Variants in SFXN1 observed in about 807,000 individuals in gnomAD.
SFXN1 encodes sideroflexin 1.
In SFXN1, 32 loss-of-function variants were observed where a neutral mutation model predicts 39.5. That is an observed-to-expected ratio of 0.81 (90% confidence interval 0.61 to 1.09). SFXN1 has a LOEUF of 1.09. Ranked by LOEUF, SFXN1 falls within the 50% of genes least tolerant of loss-of-function variation. SFXN1 has a pLI of 0.00. For missense variants in SFXN1, 402 were observed against 407.1 expected, an observed-to-expected ratio of 0.99 and a Z score of 0.11; for synonymous variants, 136 against 146.5, an observed-to-expected ratio of 0.93 and a Z score of 0.52.
At position 175,508,925 on chromosome 5, in the gene SFXN1, A is replaced by C. The variant is rs144513652; in HGVS notation, c.165-107A>C. On this transcript the variant is annotated intron_variant, in intron 2 of 10. Coordinates refer to ENST00000321442, the MANE Select transcript of SFXN1 (RefSeq NM_022754.7). ...GCTGGGATTACAGACGTAAGCCACC[A>C]CACCCAGCCAGAGCATAAACTTTTA... The C allele has an allele frequency of 1.0e-4, 110 of 1,091,812 alleles. No homozygotes were observed. The African/African-American group carries it at 1.5e-3, about 15-fold the overall frequency. 67.6% of individuals were successfully genotyped at this position (1,091,812 alleles called of 1,614,324 possible).
intron 1 of SFXN1, among the ~76,000 whole-genome samples, chr5:175,481,404 C>G (rs931012665): frequency 1.3e-5 from 2 of 152,236 alleles, no homozygotes; most frequent in South Asian, 4.1e-4. Context: ...TCACTGCAAC[C>G]TCTGCCTCCC....
At chr5:175,506,040 A>G (rs1225637914) in intron 2 of SFXN1, among the ~76,000 whole-genome samples, 1 of 151,958 alleles carries the variant, frequency 6.6e-6, no homozygotes, top group Non-Finnish European at 1.5e-5. Flanking sequence ...CTGGTGTCAA[A>G]CTCCTGACCT....
At chr5:175,484,614 G>C (rs369154932) in intron 1 of SFXN1, among the ~76,000 whole-genome samples, 1 of 152,256 alleles carries the variant, frequency 6.6e-6, no homozygotes, top group African/African-American at 2.4e-5. Context: ...CCAGCATCTC[G>C]CTCCCTGAAT....
intron 2 of SFXN1, among the ~76,000 whole-genome samples, chr5:175,495,437 T>C (rs1759822363): frequency 6.6e-6 from 1 of 152,106 alleles, no homozygotes; most frequent in Non-Finnish European, 1.5e-5. Context: ...TACTTAAAAA[T>C]GGTTAAAATG....
rs761919267 is a variant in SFXN1, at chr5:175,493,258, TA to T, written c.164+1004del. ...CTGGGCGACAGAGCGAAACTCCATC[TA>T]AAAAAAAAAAAAGATGTAAAAACCA... On this transcript the variant is annotated intron_variant, in intron 2 of 10. Coordinates refer to ENST00000321442, the MANE Select transcript of SFXN1 (RefSeq NM_022754.7). Among the ~76,000 whole-genome samples, 1,036 of 140,204 alleles carry T rather than the reference TA, an allele frequency of 7.4e-3. 2 individuals are homozygous for T. Among genetic ancestry groups the T allele is most frequent in the Middle Eastern group, 0.015 (4 of 262 alleles). The allele number at this position is 140,204 out of a possible 152,430, so 92.0% of individuals were successfully genotyped here. A position where few individuals can be genotyped will look rare whatever the true frequency, so the allele number is the denominator to read the frequency against.
Sources: gnomAD v4.1 joint callset for allele counts (sites outside exome capture counted in the v4.1 genomes callset) on GRCh38, gnomAD v4.1.1 for gene constraint, MANE v1.5 for transcripts, NCBI Gene and HGNC (gene_info 2026-07-23, HGNC 2026-07-21) for gene names.